Variants in SENP6 observed in about 807,000 individuals in gnomAD.
The protein encoded by SENP6 is SUMO specific peptidase 6.
A neutral mutation model predicts 134.5 loss-of-function variants in SENP6; 41 were observed. That is an observed-to-expected ratio of 0.30 (90% confidence interval 0.24 to 0.40). SENP6 has a LOEUF of 0.40. Ranked by LOEUF, SENP6 falls within the 10% of genes least tolerant of loss-of-function variation. The pLI is 1.00. For missense variants in SENP6, 1,248 were observed against 1,312.5 expected, an observed-to-expected ratio of 0.95 and a Z score of 0.76; for synonymous variants, 395 against 429.8, an observed-to-expected ratio of 0.92 and a Z score of 1.00.
chr6:75,642,200 C>T (rs1770081895), intron 6 of SENP6, among the ~76,000 whole-genome samples: 2 of 152,232 alleles, frequency 1.3e-5, no homozygotes. Context: ...ACAGTGCATC[C>T]TGCATAAGGA....
intron 4 of SENP6, 145 bp from the exon 5 acceptor site, chr6:75,634,562 A>C (rs746630801): frequency 3.1e-5 from 16 of 518,534 alleles, no homozygotes; most frequent in Admixed American, 3.9e-5. Context: ...GAAAACTCCC[A>C]AAAGACAATT....
intron 8 of SENP6, 37 bp downstream of exon 8, chr6:75,659,444 T>C (rs1353076502): frequency 6.6e-7 from 1 of 1,524,668 alleles, no homozygotes; most frequent in South Asian, 1.2e-5. Flanking sequence ...CTAATCAGAT[T>C]GTGTTTTGAT....
intron 16 of SENP6, among the ~76,000 whole-genome samples, chr6:75,685,694 G>A (rs1331273738): frequency 6.6e-6 from 1 of 152,174 alleles, no homozygotes; most frequent in Non-Finnish European, 1.5e-5. Flanking sequence ...TTTCCATGTA[G>A]TTGTGCAGTT....
intron 16 of SENP6, among the ~76,000 whole-genome samples, chr6:75,687,184 G>A (rs181266438): frequency 1.3e-4 from 19 of 151,874 alleles, no homozygotes; most frequent in African/African-American, 3.4e-4. Context: ...CCTCTTGATC[G>A]AATTGGCTAT....
intron 16 of SENP6, among the ~76,000 whole-genome samples, chr6:75,688,994 A>C (rs1352101251): frequency 1.3e-5 from 2 of 152,202 alleles, no homozygotes; most frequent in African/African-American, 4.8e-5. Flanking sequence ...TGAACCCAGG[A>C]GGTGGAGGTT....
chr6:75,645,632 A>G (rs1770375815), intron 6 of SENP6, among the ~76,000 whole-genome samples: 1 of 152,212 alleles, frequency 6.6e-6, no homozygotes, highest in Non-Finnish European at 1.5e-5. Flanking sequence ...AGAAAGAAAG[A>G]AATTAATGTA....
intron 7 of SENP6, among the ~76,000 whole-genome samples, chr6:75,657,767 A>G (rs149389350): frequency 2.6e-5 from 4 of 152,182 alleles, no homozygotes; most frequent in African/African-American, 9.7e-5. Context: ...CTAGGGATTA[A>G]TTGTGCCTAG....
At chr6:75,612,145 C>T (rs939429516) in intron 1 of SENP6, among the ~76,000 whole-genome samples, 2 of 152,000 alleles carry the variant, frequency 1.3e-5, no homozygotes, top group African/African-American at 2.4e-5. Context: ...GTGGTTTGGT[C>T]GGGAAGTTCC....
intron 10 of SENP6, among the ~76,000 whole-genome samples, chr6:75,669,407 A>G (rs932246439): frequency 1.3e-5 from 2 of 152,174 alleles, no homozygotes; most frequent in African/African-American, 4.8e-5. Context: ...AATAAGCCTG[A>G]AAAAGCAGTT....
At chr6:75,636,108 C>G (rs1769492478) in intron 5 of SENP6, among the ~76,000 whole-genome samples, 1 of 151,970 alleles carries the variant, frequency 6.6e-6, no homozygotes, top group Non-Finnish European at 1.5e-5. Flanking sequence ...CTCTAGGTCT[C>G]AACACCTATA....
Position 75,702,878 on chromosome 6 carries a change from C to A in SENP6, c.2522C>A (p.Pro841His). 5 of 1,614,064 alleles carry A rather than the reference C, an allele frequency of 3.1e-6. No homozygotes were observed. The highest frequency in any genetic ancestry group is 4.2e-6 in the Non-Finnish European group (5 of 1,179,998). ...KHCIAVIDSN[P>H]GQEESDPRYK... Reference sequence around the variant, plus strand: ...TGCATAGCTGTAATTGATTCCAATCCTGGGCAGGAAGAAAGTGACCCTCGT... The same window carrying A: ...TGCATAGCTGTAATTGATTCCAATCATGGGCAGGAAGAAAGTGACCCTCGT... Residue 841 changes from proline to histidine, a missense_variant, in exon 19 of 24, where the codon CCT becomes CAT. Pro to His is a moderately conservative substitution (Grantham distance 77). This residue lies in a region of SENP6 where 386 missense variants were observed against 395.0 expected (regional missense o/e 0.98). Transcript: ENST00000447266.
At chr6:75,627,434 A>G (rs983337149) in intron 3 of SENP6, among the ~76,000 whole-genome samples, 1 of 152,056 alleles carries the variant, frequency 6.6e-6, no homozygotes, top group Non-Finnish European at 1.5e-5. Context: ...GATAGACAAG[A>G]AAAAAGTAGA....
intron 7 of SENP6, among the ~76,000 whole-genome samples, chr6:75,658,640 C>T (rs1582789125): frequency 6.6e-6 from 1 of 151,810 alleles, no homozygotes; most frequent in Admixed American, 6.6e-5. Context: ...AATTCTCTTG[C>T]GTGTTCCAAA....
intron 5 of SENP6, among the ~76,000 whole-genome samples, chr6:75,639,949 A>C (rs1168457956): frequency 6.6e-6 from 1 of 152,178 alleles, no homozygotes; most frequent in Non-Finnish European, 1.5e-5. Flanking sequence ...TTCTGTAACA[A>C]CAGTAGTCTC....
chr6:75,697,360 T>C, intron 17 of SENP6, 65 bp from the exon 18 acceptor site: 2 of 1,112,516 alleles, frequency 1.8e-6, no homozygotes, highest in South Asian at 3.1e-5. Flanking sequence ...AATTTATAAA[T>C]CACTACATAT....
At chr6:75,644,871 T>G (rs977622396) in intron 6 of SENP6, among the ~76,000 whole-genome samples, 1 of 152,248 alleles carries the variant, frequency 6.6e-6, no homozygotes, top group African/African-American at 2.4e-5. Context: ...ATTAAGGTGT[T>G]GACATTAGGG....
At chr6:75,672,735 A>C (rs1474192076) in intron 11 of SENP6, among the ~76,000 whole-genome samples, 1 of 152,228 alleles carries the variant, frequency 6.6e-6, no homozygotes, top group Non-Finnish European at 1.5e-5. Flanking sequence ...ACTATGTTTA[A>C]TGTTTTATAA....
At chr6:75,634,204 A>T (rs1769328628) in intron 4 of SENP6, among the ~76,000 whole-genome samples, 1 of 152,198 alleles carries the variant, frequency 6.6e-6, no homozygotes, top group Non-Finnish European at 1.5e-5. Flanking sequence ...GTCTCAATTT[A>T]TACATAGACA....
rs748275561 is a variant in SENP6, at chr6:75,666,725, T to TGAG, written c.1010_1011insGGA (p.Ser336_Asp337insGlu). The TGAG allele has an allele frequency of 6.6e-7, 1 of 1,507,238 alleles. No homozygotes were observed. Among genetic ancestry groups the TGAG allele is most frequent in the South Asian group, 1.3e-5 (1 of 75,898 alleles). The allele number at this position is 1,507,238 out of a possible 1,614,324, so 93.4% of individuals were successfully genotyped here. A position where few individuals can be genotyped will look rare whatever the true frequency, so the allele number is the denominator to read the frequency against. On this transcript the variant is annotated inframe_insertion, in exon 10 of 24. Coordinates refer to ENST00000447266, the MANE Select transcript of SENP6 (RefSeq NM_015571.4). ...AAATACTTTTAGTCATTTTGTCCAGTGATGATGATGATGACAACGACAGAA... is the reference window on the plus strand; with the variant it reads ...AAATACTTTTAGTCATTTTGTCCAGTGAGGATGATGATGATGACAACGACAGAA...
Sources: allele counts gnomAD v4.1 joint callset (sites outside exome capture counted in the v4.1 genomes callset), GRCh38; gene constraint gnomAD v4.1.1; regional missense constraint gnomAD v4.1.1; transcripts MANE v1.5; gene names NCBI Gene and HGNC (gene_info 2026-07-23, HGNC 2026-07-21).